ABTB3: variants seen among roughly 807,000 people sequenced by gnomAD.
ABTB3 encodes the protein ankyrin repeat and BTB domain containing 3, also known as ankyrin repeat- and BTB/POZ domain-containing protein 3.
chr12:107,469,620 A>G, the ABTB3 span, among the ~76,000 whole-genome samples: 1 of 152,158 alleles, frequency 6.6e-6, no homozygotes, highest in Non-Finnish European at 1.5e-5. Context: ...GCACAAAGCC[A>G]CAGAGTTGAG....
At chr12:107,358,116 C>T in the ABTB3 span, among the ~76,000 whole-genome samples, 1 of 152,126 alleles carries the variant, frequency 6.6e-6, no homozygotes, top group East Asian at 1.9e-4. Context: ...AATCTTCTGC[C>T]CTCAGTGGAA....
the ABTB3 span, among the ~76,000 whole-genome samples, chr12:107,359,180 G>A: frequency 6.6e-6 from 1 of 152,224 alleles, no homozygotes; most frequent in African/African-American, 2.4e-5. Context: ...TGAGGGCTGG[G>A]CAACTGTGAG....
chr12:107,565,294 G>A, the ABTB3 span, among the ~76,000 whole-genome samples: 12 of 152,192 alleles, frequency 7.9e-5, no homozygotes, highest in East Asian at 5.8e-4. Context: ...ATCTTTGTTC[G>A]CTGATTTTTT....
chr12:107,389,846 T>TGTG, the ABTB3 span, among the ~76,000 whole-genome samples: 460 of 141,556 alleles, frequency 3.2e-3, 8 homozygotes, highest in South Asian at 0.014. Context: ...GTGTGTGTGT[T>TGTG]TGTGTGTGTG....
the ABTB3 span, among the ~76,000 whole-genome samples, chr12:107,631,542 C>T: frequency 0.1 from 15,816 of 152,116 alleles, 1,025 homozygotes; most frequent in African/African-American, 0.17. Flanking sequence ...TTCCTTAGTT[C>T]GTACCTGGTG....
At chr12:107,521,299 G>GTC in the ABTB3 span, among the ~76,000 whole-genome samples, 1 of 144,580 alleles carries the variant, frequency 6.9e-6, no homozygotes, top group Non-Finnish European at 1.5e-5. Context: ...GTGTGTGTGT[G>GTC]TGTGTATAAG....
the ABTB3 span, among the ~76,000 whole-genome samples, chr12:107,578,873 C>T: frequency 2.6e-5 from 4 of 152,154 alleles, no homozygotes; most frequent in Non-Finnish European, 2.9e-5. Flanking sequence ...ATCAGTTTCA[C>T]CCAGTAAGAA....
chr12:107,634,182 CT>C, the ABTB3 span, among the ~76,000 whole-genome samples: 1 of 152,166 alleles, frequency 6.6e-6, no homozygotes, highest in African/African-American at 2.4e-5. Flanking sequence ...ATGCTTCTGC[CT>C]CGGGAACACA....
At chr12:107,624,131 C>T in the ABTB3 span, among the ~76,000 whole-genome samples, 1 of 150,412 alleles carries the variant, frequency 6.6e-6, no homozygotes, top group Non-Finnish European at 1.5e-5. Flanking sequence ...GGCTTTTCTT[C>T]TATGTGTAAT....
chr12:107,495,096 G>A, the ABTB3 span, among the ~76,000 whole-genome samples: 4 of 152,184 alleles, frequency 2.6e-5, no homozygotes, highest in Non-Finnish European at 5.9e-5. Flanking sequence ...CCTCTCCGGT[G>A]CTTATAGACT....
the ABTB3 span, among the ~76,000 whole-genome samples, chr12:107,336,012 C>T: frequency 6.6e-6 from 1 of 152,214 alleles, no homozygotes; most frequent in African/African-American, 2.4e-5. Flanking sequence ...CTCCCCACCA[C>T]CCGCCCAATG....
chr12:107,404,993 T>C, the ABTB3 span, among the ~76,000 whole-genome samples: 1 of 152,046 alleles, frequency 6.6e-6, no homozygotes, highest in African/African-American at 2.4e-5. Context: ...CTCACATCGG[T>C]GTGAGGTGGC....
chr12:107,364,303 T>A, the ABTB3 span, among the ~76,000 whole-genome samples: 3 of 151,952 alleles, frequency 2.0e-5, no homozygotes, highest in Non-Finnish European at 4.4e-5. Context: ...TCTTTTTTTT[T>A]AATGAGATGG....
At chr12:107,474,310 C>T in the ABTB3 span, among the ~76,000 whole-genome samples, 3 of 152,128 alleles carry the variant, frequency 2.0e-5, no homozygotes, top group Non-Finnish European at 4.4e-5. Flanking sequence ...TGTCTGCCAC[C>T]GCCGAGAGCC....
the ABTB3 span, among the ~76,000 whole-genome samples, chr12:107,636,311 T>C: frequency 1.3e-5 from 2 of 152,192 alleles, no homozygotes; most frequent in Non-Finnish European, 2.9e-5. Context: ...GCCTGAAACA[T>C]GAGCCTTCTG....
the ABTB3 span, among the ~76,000 whole-genome samples, chr12:107,377,088 C>T: frequency 6.6e-5 from 10 of 152,244 alleles, no homozygotes; most frequent in African/African-American, 1.2e-4. Flanking sequence ...GTGCTGCTGG[C>T]GCAGCTCTCA....
At chr12:107,479,116 C>T in the ABTB3 span, among the ~76,000 whole-genome samples, 1 of 152,080 alleles carries the variant, frequency 6.6e-6, no homozygotes, top group Admixed American at 6.6e-5. Flanking sequence ...CATCTGGGCT[C>T]CAGATGTTTT....
chr12:107,365,846 A>G, the ABTB3 span, among the ~76,000 whole-genome samples: 1 of 152,204 alleles, frequency 6.6e-6, no homozygotes, highest in Non-Finnish European at 1.5e-5. Flanking sequence ...AAAAGTTAAC[A>G]CTTTATTCAC....
the ABTB3 span, chr12:107,657,704 G>A: frequency 6.2e-7 from 1 of 1,614,192 alleles, no homozygotes. Context: ...GTCTTCCAAA[G>A]GTTCCGTGGT....
Sources: gnomAD v4.1 joint callset for allele counts (sites outside exome capture counted in the v4.1 genomes callset) on GRCh38, gnomAD v4.1.1 for gene constraint, MANE v1.5 for transcripts, NCBI Gene and HGNC (gene_info 2026-07-23, HGNC 2026-07-21) for gene names.